The following IQCH variants were observed in gnomAD, a reference collection of about 807,000 sequenced individuals.
IQCH encodes the protein IQ domain-containing protein H.
A neutral mutation model predicts 117.0 loss-of-function variants in IQCH; 98 were observed. The ratio of observed to expected loss-of-function variants is 0.84; its 90% CI spans 0.71 to 0.99. The LOEUF is 0.99. Among genes scored for constraint, IQCH ranks in the 50% least tolerant of loss-of-function variants. The pLI is 0.00. For missense variants in IQCH, 1,102 were observed against 1,243.8 expected, an observed-to-expected ratio of 0.89 and a Z score of 1.72; for synonymous variants, 412 against 448.2, an observed-to-expected ratio of 0.92 and a Z score of 1.02.
chr15:67,337,501 T>C (rs2140659833), intron 5 of IQCH, among the ~76,000 whole-genome samples: 1 of 152,348 alleles, frequency 6.6e-6, no homozygotes, highest in Non-Finnish European at 1.5e-5. Context: ...TTAATGTAAT[T>C]AGTGTTTAAA....
chr15:67,358,190 A>G (rs1176740932), intron 7 of IQCH, among the ~76,000 whole-genome samples: 1 of 18,160 alleles, frequency 5.5e-5, no homozygotes, highest in Non-Finnish European at 1.2e-4. Context: ...TTTAACCATC[A>G]TGAGGCACTT....
At position 67,344,262 on chromosome 15, in the gene IQCH, T is replaced by C. The variant is rs370229786; in HGVS notation, c.637+71T>C. 10 of 1,476,866 alleles carry C rather than the reference T, an allele frequency of 6.8e-6. No homozygotes were observed. The East Asian group carries it at 7.0e-5, about 10-fold the overall frequency. The allele number at this position is 1,476,866 out of a possible 1,614,324, so 91.5% of individuals were successfully genotyped here. On this transcript the variant is annotated intron_variant, in intron 6 of 20. Coordinates refer to ENST00000335894, the MANE Select transcript of IQCH (RefSeq NM_001031715.3). ...TATCTCTGCCCCAGATCTAGCCTTC[T>C]AGTAGCCAACTTTTGTCCTCAATAA...
intron 4 of IQCH, chr15:67,307,260 A>C: frequency 1.5e-6 from 1 of 655,164 alleles, no homozygotes; most frequent in Non-Finnish European, 1.9e-6. Flanking sequence ...GGTTGAATTT[A>C]ATACTATTAT....
chr15:67,455,483 G>A (rs2141000861), intron 16 of IQCH, among the ~76,000 whole-genome samples: 1 of 152,262 alleles, frequency 6.6e-6, no homozygotes, highest in East Asian at 1.9e-4. Flanking sequence ...AACCAAGGTT[G>A]TTCTTTATTT....
At chr15:67,313,099 G>A (rs1444152143) in intron 4 of IQCH, among the ~76,000 whole-genome samples, 3 of 151,882 alleles carry the variant, frequency 2.0e-5, no homozygotes, top group Non-Finnish European at 4.4e-5. Context: ...ATAAAGTTTG[G>A]GCAATATGAC....
At chr15:67,288,487 A>G (rs1966641901) in intron 4 of IQCH, among the ~76,000 whole-genome samples, 1 of 152,074 alleles carries the variant, frequency 6.6e-6, no homozygotes, top group South Asian at 2.1e-4. Flanking sequence ...GAATTAACCC[A>G]TTTATCATTA....
At chr15:67,320,374 T>C (rs1438524309) in intron 4 of IQCH, among the ~76,000 whole-genome samples, 2 of 152,224 alleles carry the variant, frequency 1.3e-5, no homozygotes, top group Non-Finnish European at 2.9e-5. Context: ...TCTTAGATCT[T>C]AACTGAAACG....
Position 67,371,433 on chromosome 15 carries a change from T to C in IQCH, c.754-678T>C, listed in dbSNP as rs373285055. ...TCCCTTGGTTTTGTTATCAGATTTG[T>C]GATCCTAATCCACCTGGGACAGCCC... On this transcript the variant is annotated intron_variant, in intron 8 of 20. Transcript: ENST00000335894. The C allele has an allele frequency of 5.9e-4, 849 of 1,431,658 alleles. 12 individuals are homozygous for C. The highest frequency in any genetic ancestry group is 4.5e-4 in the South Asian group (27 of 59,626). 88.7% of individuals were successfully genotyped at this position (1,431,658 alleles called of 1,614,324 possible). A position where few individuals can be genotyped will look rare whatever the true frequency, so the allele number is the denominator to read the frequency against.
intron 4 of IQCH, among the ~76,000 whole-genome samples, chr15:67,328,424 A>G (rs2140628970): frequency 6.6e-6 from 1 of 152,300 alleles, no homozygotes; most frequent in Middle Eastern, 3.4e-3. Context: ...GAATTGCATA[A>G]TGCCTTCAGA....
chr15:67,490,038 C>A lies in IQCH; in HGVS notation c.2835C>A (p.His945Gln), dbSNP rs367994255. 9.2e-5 allele frequency: 149 copies of A among 1,612,078 alleles called. No individual in the cohort carries two copies. Among genetic ancestry groups the A allele is most frequent in the Non-Finnish European group, 1.2e-4 (142 of 1,178,442 alleles). The stretch of plus-strand genomic sequence containing the variant: ...GAACTGTTTTTATATTATATGAGCA[C>A]CTGAAGAGACACAAGTTGGGAATGT... ...RQGTVFILYE[H>Q]LKRHKLGMLT... The change falls in exon 19 of 21, where the codon CAC becomes CAA. Residue 945 changes from histidine to glutamine, a missense_variant. By Grantham distance (24) the His-to-Gln change is conservative. Coordinates refer to ENST00000335894, the MANE Select transcript of IQCH (RefSeq NM_001031715.3). This position sits in a 1 kb window ranked among gnomAD's most constrained non-coding sequence, Gnocchi z 4.9.
At chr15:67,308,460 A>G (rs1416326715) in intron 4 of IQCH, among the ~76,000 whole-genome samples, 1 of 152,182 alleles carries the variant, frequency 6.6e-6, no homozygotes, top group Non-Finnish European at 1.5e-5. Context: ...TAGTTGAACA[A>G]AAGGAAATAG....
intron 4 of IQCH, among the ~76,000 whole-genome samples, chr15:67,301,282 T>G (rs941335467): frequency 6.6e-6 from 1 of 152,138 alleles, no homozygotes; most frequent in African/African-American, 2.4e-5. Flanking sequence ...TTATTGAGTC[T>G]CATAATACAG....
rs889323910 is a variant in IQCH at position 67,491,096 on chromosome 15, A to T, written c.2861+1032A>T. Among the ~76,000 whole-genome samples the T allele has an allele frequency of 1.3e-5, 2 of 152,206 alleles. No individual in the cohort carries two copies. Among genetic ancestry groups the T allele is most frequent in the Non-Finnish European group, 2.9e-5 (2 of 68,036 alleles). Reference sequence around the variant, plus strand: ...ATTGTGGCCTCACACTGAAACACACAGAAACATATACACAAAGATCTGGTC... The same window carrying T: ...ATTGTGGCCTCACACTGAAACACACTGAAACATATACACAAAGATCTGGTC... On this transcript the variant is annotated intron_variant, in intron 19 of 20. Coordinates refer to ENST00000335894, the MANE Select transcript of IQCH (RefSeq NM_001031715.3). This position sits in a 1 kb window ranked among gnomAD's most constrained non-coding sequence, Gnocchi z 4.9.
At chr15:67,267,552 A>C (rs1232067723) in intron 3 of IQCH, among the ~76,000 whole-genome samples, 1 of 152,332 alleles carries the variant, frequency 6.6e-6, no homozygotes. Flanking sequence ...TGCCTCTTGC[A>C]CTGGGATTGA....
At chr15:67,335,625 G>A (rs904225453) in intron 4 of IQCH, among the ~76,000 whole-genome samples, 1 of 152,144 alleles carries the variant, frequency 6.6e-6, no homozygotes, top group African/African-American at 2.4e-5. Context: ...GGAGAGGAGA[G>A]CTGAGGATAA....
rs892080674 is a variant in IQCH, at chr15:67,471,427, A to C, written c.2677-4269A>C. ...ATAATGCTTTATACTTTAACTATAC[A>C]TGAGCTTATTTGATCCCCATGATAA... On this transcript the variant is annotated intron_variant, in intron 17 of 20. Transcript: ENST00000335894. Among the ~76,000 whole-genome samples, 5 of 152,302 alleles carry C rather than the reference A, an allele frequency of 3.3e-5. No individual in the cohort carries two copies. The East Asian group carries it at 9.6e-4, about 29-fold the overall frequency.
At chr15:67,455,909 G>C (rs1172854717) in intron 16 of IQCH, among the ~76,000 whole-genome samples, 1 of 152,096 alleles carries the variant, frequency 6.6e-6, no homozygotes, top group East Asian at 1.9e-4. Flanking sequence ...TAAAAATTGT[G>C]TTTTCATGTT....
At chr15:67,415,826 G>A (rs927262584) in intron 14 of IQCH, among the ~76,000 whole-genome samples, 34 of 152,094 alleles carry the variant, frequency 2.2e-4, no homozygotes, top group Admixed American at 2.1e-3. Flanking sequence ...TATCATATGA[G>A]TTTCGATCCA....
intron 4 of IQCH, among the ~76,000 whole-genome samples, chr15:67,306,632 A>T (rs1967309824): frequency 6.6e-6 from 1 of 152,118 alleles, no homozygotes; most frequent in African/African-American, 2.4e-5. Flanking sequence ...ATTTTAGTGC[A>T]TTGAAAACAC....
Sources: allele counts gnomAD v4.1 joint callset (sites outside exome capture counted in the v4.1 genomes callset), GRCh38; gene constraint gnomAD v4.1.1; non-coding constraint Gnocchi (gnomAD v3.1); transcripts MANE v1.5; gene names NCBI Gene and HGNC (gene_info 2026-07-23, HGNC 2026-07-21).